LYRM4: variants seen among roughly 807,000 people sequenced by gnomAD.
LYRM4 encodes LYR motif-containing protein 4.
A neutral mutation model predicts 11.7 loss-of-function variants in LYRM4; 9 were observed. The observed-to-expected ratio is 0.77, with a 90% CI of 0.46 to 1.34. LYRM4 has a LOEUF of 1.34. Ranked by LOEUF, LYRM4 falls within the 40% of genes most tolerant of loss-of-function variation. The pLI, the probability that LYRM4 is intolerant of heterozygous loss-of-function variation, is 0.00. For synonymous variants in LYRM4, 42 were observed against 40.4 expected, an observed-to-expected ratio of 1.04 and a Z score of -0.15; for missense variants, 133 against 112.5, an observed-to-expected ratio of 1.18 and a Z score of -0.82.
chr6:5,058,316 C>T, the LYRM4 span, among the ~76,000 whole-genome samples: 1 of 152,204 alleles, frequency 6.6e-6, no homozygotes, highest in African/African-American at 2.4e-5. Context: ...TTCAGAGCTG[C>T]TGGCCTTCCC....
At chr6:5,104,089 A>G (rs1762587975), downstream of LYRM4, 1 of 152,492 alleles carries the variant, frequency 6.6e-6, no homozygotes, top group Non-Finnish European at 1.5e-5. Context: ...CAGGCAGCCA[A>G]TATATAGAGC....
intron 1 of LYRM4, among the ~76,000 whole-genome samples, chr6:5,218,021 C>T (rs968456748): frequency 1.3e-5 from 2 of 152,134 alleles, no homozygotes; most frequent in African/African-American, 4.8e-5. Flanking sequence ...GATCCTCCTG[C>T]CTCAGCCTCC....
chr6:5,234,733 A>G (rs955657804), intron 1 of LYRM4, among the ~76,000 whole-genome samples: 1 of 152,168 alleles, frequency 6.6e-6, no homozygotes, highest in Admixed American at 6.6e-5. Flanking sequence ...AGGAGAGAGG[A>G]GCTATAAGAA....
intron 2 of LYRM4, among the ~76,000 whole-genome samples, chr6:5,155,224 G>A (rs1325477244): frequency 6.6e-6 from 1 of 152,126 alleles, no homozygotes; most frequent in Non-Finnish European, 1.5e-5. Context: ...TGGGATTACA[G>A]GCATGCGCCA....
chr6:5,043,973 C>T, the LYRM4 span, among the ~76,000 whole-genome samples: 3 of 152,202 alleles, frequency 2.0e-5, no homozygotes, highest in Non-Finnish European at 4.4e-5. Context: ...GCCCCCCTCT[C>T]GCTCTGCCTC....
chr6:5,119,337 C>T (rs777648715), intron 2 of LYRM4, among the ~76,000 whole-genome samples: 14 of 152,142 alleles, frequency 9.2e-5, no homozygotes, highest in Admixed American at 3.3e-4. Context: ...CATGCCCACA[C>T]GTCCAGTCCA....
intron 2 of LYRM4, among the ~76,000 whole-genome samples, chr6:5,125,122 C>T (rs1322134339): frequency 2.0e-5 from 3 of 152,184 alleles, no homozygotes; most frequent in African/African-American, 7.2e-5. Flanking sequence ...GCTGCAGCCA[C>T]GGTAAGGAGA....
the LYRM4 span, among the ~76,000 whole-genome samples, chr6:5,081,550 G>C: frequency 6.6e-6 from 1 of 152,038 alleles, no homozygotes; most frequent in South Asian, 2.1e-4. Flanking sequence ...TCCTGACCTG[G>C]GAACATCAGG....
intron 2 of LYRM4, among the ~76,000 whole-genome samples, chr6:5,181,468 A>G (rs903772362): frequency 3.9e-5 from 6 of 152,164 alleles, no homozygotes; most frequent in African/African-American, 9.7e-5. Flanking sequence ...TATAAAAACC[A>G]CAACCTAAAA....
chr6:5,093,999 C>T, the LYRM4 span, among the ~76,000 whole-genome samples: 3 of 152,302 alleles, frequency 2.0e-5, no homozygotes, highest in South Asian at 6.2e-4. Flanking sequence ...TAGGTTGGTT[C>T]TTGGGACTTG....
At chr6:5,149,822 A>G (rs1013657929) in intron 2 of LYRM4, among the ~76,000 whole-genome samples, 1 of 152,252 alleles carries the variant, frequency 6.6e-6, no homozygotes, top group Non-Finnish European at 1.5e-5. Flanking sequence ...GGACACACAT[A>G]TGCACAACAG....
chr6:5,243,465 T>C (rs1050579229), intron 1 of LYRM4, among the ~76,000 whole-genome samples: 1 of 152,226 alleles, frequency 6.6e-6, no homozygotes, highest in Non-Finnish European at 1.5e-5. Flanking sequence ...CAGGTTGCGC[T>C]GAAAGGCAAT....
At chr6:5,181,319 T>C (rs1760060286) in intron 2 of LYRM4, among the ~76,000 whole-genome samples, 1 of 152,204 alleles carries the variant, frequency 6.6e-6, no homozygotes, top group Non-Finnish European at 1.5e-5. Context: ...AGGACTCACG[T>C]AGGAAACCCT....
At chr6:5,111,730 C>T (rs1762891623) in intron 2 of LYRM4, among the ~76,000 whole-genome samples, 1 of 152,344 alleles carries the variant, frequency 6.6e-6, no homozygotes, top group South Asian at 2.1e-4. Flanking sequence ...AAAGGTGGCA[C>T]CCTGGAAAGG....
At chr6:5,084,536 G>A in the LYRM4 span, 1 of 151,944 alleles carries the variant, frequency 6.6e-6, no homozygotes, top group Non-Finnish European at 1.5e-5. Context: ...CGCGTCGGGC[G>A]GGACAGGGGG....
intron 1 of LYRM4, among the ~76,000 whole-genome samples, chr6:5,221,621 G>A (rs1238765754): frequency 2.0e-5 from 3 of 152,236 alleles, no homozygotes; most frequent in African/African-American, 4.8e-5. Flanking sequence ...TGAACCCGGA[G>A]GCGGAAGTTG....
chr6:5,085,733 G>A, the LYRM4 span: 3 of 1,542,930 alleles, frequency 1.9e-6, no homozygotes, highest in African/African-American at 2.8e-5. Context: ...TGCCGCGCGC[G>A]CTCCTTTTCC....
At chr6:5,259,372 T>C (rs1764841048) in intron 1 of LYRM4, among the ~76,000 whole-genome samples, 1 of 152,240 alleles carries the variant, frequency 6.6e-6, no homozygotes, top group Admixed American at 6.5e-5. Flanking sequence ...ATTATTACAC[T>C]CTTTATTCTC....
chr6:5,196,763 C>A (rs1176212002), intron 2 of LYRM4, among the ~76,000 whole-genome samples: 1 of 152,148 alleles, frequency 6.6e-6, no homozygotes, highest in Non-Finnish European at 1.5e-5. Context: ...GTGACAGTGA[C>A]TCAATTCTTT....
Sources: gnomAD v4.1 joint callset for allele counts (sites outside exome capture counted in the v4.1 genomes callset) on GRCh38, gnomAD v4.1.1 for gene constraint, MANE v1.5 for transcripts, NCBI Gene and HGNC (gene_info 2026-07-23, HGNC 2026-07-21) for gene names.